Variants in OTULIN observed in about 807,000 individuals in gnomAD.
The protein encoded by OTULIN is ubiquitin thioesterase otulin.
OTULIN carries 15 observed loss-of-function variants against 39.6 expected under a neutral mutation model. The observed-to-expected ratio is 0.38, with a 90% confidence interval of 0.25 to 0.58. The LOEUF is 0.58. Among genes scored for constraint, OTULIN ranks in the 20% least tolerant of loss-of-function variants. The pLI, the probability that OTULIN is intolerant of heterozygous loss-of-function variation, is 0.66. For synonymous variants in OTULIN, 156 were observed against 170.3 expected (o/e 0.92, Z 0.65); for missense variants, 319 against 445.9 (o/e 0.72, Z 2.56).
At chr5:14,677,751 A>G (rs905727038) in intron 2 of OTULIN, among the ~76,000 whole-genome samples, 1 of 152,214 alleles carries the variant, frequency 6.6e-6, no homozygotes, top group Non-Finnish European at 1.5e-5. Context: ...ATTATCGACC[A>G]CTTTTAGGTT....
intron 1 of OTULIN, 109 bp from the exon 2 acceptor site, chr5:14,673,532 GA>G: frequency 1.4e-6 from 1 of 729,852 alleles, no homozygotes; most frequent in South Asian, 2.8e-5. Context: ...CATGTAAAGT[GA>G]AAAAAGTTAA....
At chr5:14,673,825 T>C in intron 2 of OTULIN, 107 bp downstream of exon 2, 1 of 884,412 alleles carries the variant, frequency 1.1e-6, no homozygotes, top group Non-Finnish European at 1.7e-6. Context: ...TATTCTTATG[T>C]ATATGGTCTT....
Position 14,694,526 on chromosome 5 carries a change from T to C in OTULIN, c.*1478T>C, listed in dbSNP as rs532177867. On this transcript the variant is annotated 3_prime_UTR_variant, in exon 7 of 7. Transcript: ENST00000284274. ...AATCCTTATTTGGTCCAATTTAATA[T>C]AGTTTAGAAGCTATTTTTTTTGAGG... The C allele has an allele frequency of 6.6e-6, 1 of 152,216 alleles. No homozygotes were observed. Among genetic ancestry groups the C allele is most frequent in the Non-Finnish European group, 1.5e-5 (1 of 68,048 alleles). 9.4% of individuals were successfully genotyped at this position (152,216 alleles called of 1,614,324 possible).
intron 4 of OTULIN, among the ~76,000 whole-genome samples, chr5:14,687,258 T>C (rs534867386): frequency 1.3e-5 from 2 of 152,296 alleles, no homozygotes; most frequent in South Asian, 2.1e-4. Context: ...CTGGCCGTGG[T>C]TGGAGTCCTG....
chr5:14,681,145 G>GC (rs1319214111), intron 3 of OTULIN, among the ~76,000 whole-genome samples: 1 of 151,794 alleles, frequency 6.6e-6, no homozygotes, highest in Non-Finnish European at 1.5e-5. Flanking sequence ...AAGCACCCCC[G>GC]CCCCCCTTTG....
chr5:14,673,344 T>C (rs141002287), intron 1 of OTULIN, among the ~76,000 whole-genome samples: 3 of 152,342 alleles, frequency 2.0e-5, no homozygotes, highest in Non-Finnish European at 2.9e-5. Flanking sequence ...TGTCTAGATA[T>C]ATAGTTGAGG....
At chr5:14,704,295 A>G (rs989971546), downstream of OTULIN, among the ~76,000 whole-genome samples, 3 of 127,910 alleles carry the variant, frequency 2.3e-5, no homozygotes, top group East Asian at 4.8e-4. Flanking sequence ...GCGCCACTGC[A>G]CTCCAGCCTG....
In OTULIN at chr5:14,698,412, G is replaced by C. The variant is rs541210917; in HGVS notation, c.*5364G>C. The C allele has an allele frequency of 6.6e-6, 1 of 152,332 alleles. No individual in the cohort carries two copies. The highest frequency in any genetic ancestry group is 1.5e-5 in the Non-Finnish European group (1 of 68,040). 9.4% of individuals were successfully genotyped at this position (152,332 alleles called of 1,614,324 possible). A position where few individuals can be genotyped will look rare whatever the true frequency, so the allele number is the denominator to read the frequency against. ...GAGGCTCTGTGCAGTTTGGGGCCTT[G>C]GTTCCCACCTGCAGATGCGGTCAGT... On this transcript the variant is annotated 3_prime_UTR_variant, in exon 7 of 7. Coordinates refer to ENST00000284274, the MANE Select transcript of OTULIN (RefSeq NM_138348.6).
chr5:14,712,247 G>A, the OTULIN span, among the ~76,000 whole-genome samples: 2 of 152,220 alleles, frequency 1.3e-5, no homozygotes, highest in Admixed American at 1.3e-4. Flanking sequence ...TGAGTGGCCT[G>A]GCCGTCACTC....
the OTULIN span, among the ~76,000 whole-genome samples, chr5:14,714,523 G>A: frequency 1.3e-5 from 2 of 152,300 alleles, no homozygotes; most frequent in African/African-American, 2.4e-5. Flanking sequence ...TCATTCCTGG[G>A]ATAAAAATTC....
downstream of OTULIN, among the ~76,000 whole-genome samples, chr5:14,699,957 T>G (rs1736764737): frequency 6.6e-6 from 1 of 152,234 alleles, no homozygotes; most frequent in South Asian, 2.1e-4. Flanking sequence ...AGTGGTGCCA[T>G]TGATGTACAG....
the OTULIN span, chr5:14,710,471 G>A: frequency 6.5e-6 from 1 of 153,468 alleles, no homozygotes; most frequent in South Asian, 2.1e-4. Context: ...AGCTTGCTCA[G>A]ATCTAGGAGA....
Position 14,693,209 on chromosome 5 carries a change from T to C in OTULIN, c.*161T>C. 1.6e-6 allele frequency: 1 copy of C among 607,014 alleles called. No individual in the cohort carries two copies. Among genetic ancestry groups the C allele is most frequent in the Non-Finnish European group, 2.8e-6 (1 of 354,492 alleles). The allele number at this position is 607,014 out of a possible 1,614,324, so 37.6% of individuals were successfully genotyped here. On this transcript the variant is annotated 3_prime_UTR_variant, in exon 7 of 7. Transcript: ENST00000284274. ...GGATGTCCTGAAGACTAGCTTTTGA[T>C]AAGAGAAATTAACCAAGTCTTTCCC... is the stretch of plus-strand genomic sequence containing the variant.
intron 1 of OTULIN, among the ~76,000 whole-genome samples, chr5:14,667,092 G>A (rs1735868670): frequency 6.6e-6 from 1 of 152,212 alleles, no homozygotes; most frequent in Non-Finnish European, 1.5e-5. Flanking sequence ...ACACTTAGAA[G>A]TGTGAACACT....
Position 14,696,966 on chromosome 5 carries a change from G to A in OTULIN, c.*3918G>A, listed in dbSNP as rs1386020726. On this transcript the variant is annotated 3_prime_UTR_variant, in exon 7 of 7. Transcript: ENST00000284274. ...AATGAAAAGCAACAAAACTAAACTG[G>A]TTTGACAGCCTGCCACTTCTGGCAT... 6.6e-6 allele frequency: 1 copy of A among 152,204 alleles called. No individual in the cohort carries two copies. The highest frequency in any genetic ancestry group is 1.5e-5 in the Non-Finnish European group (1 of 68,044). 9.4% of individuals were successfully genotyped at this position (152,204 alleles called of 1,614,324 possible). A position where few individuals can be genotyped will look rare whatever the true frequency, so the allele number is the denominator to read the frequency against.
chr5:14,678,795 A>C lies in OTULIN; in HGVS notation c.324+20A>C, dbSNP rs200078279. ...AAAATGGTATGACACAGAGGTGCAC[A>C]TATTTCAGGTCTTTCAAATAGTCTA... On this transcript the variant is annotated intron_variant, in intron 3 of 6. Transcript: ENST00000284274. 2.7e-6 allele frequency: 4 copies of C among 1,501,208 alleles called. No homozygotes were observed. The highest frequency in any genetic ancestry group is 3.6e-6 in the Non-Finnish European group (4 of 1,103,008). 93.0% of individuals were successfully genotyped at this position (1,501,208 alleles called of 1,614,324 possible).
the OTULIN span, among the ~76,000 whole-genome samples, chr5:14,714,799 A>G: frequency 2.0e-5 from 3 of 152,196 alleles, no homozygotes; most frequent in Non-Finnish European, 4.4e-5. Context: ...CATCTTACAG[A>G]CAAGGAAGTG....
chr5:14,665,366 C>A (rs1735808534), intron 1 of OTULIN, among the ~76,000 whole-genome samples: 1 of 152,118 alleles, frequency 6.6e-6, no homozygotes, highest in African/African-American at 2.4e-5. Context: ...CGCCGGAGAA[C>A]GGCGCTGCGC....
the OTULIN span, chr5:14,711,134 A>C: frequency 2.4e-5 from 31 of 1,309,870 alleles, no homozygotes; most frequent in Non-Finnish European, 3.1e-5. Context: ...GGGAGAGGGA[A>C]GAGATGATGC....
Sources: allele counts gnomAD v4.1 joint callset (sites outside exome capture counted in the v4.1 genomes callset), GRCh38; gene constraint gnomAD v4.1.1; transcripts MANE v1.5; gene names NCBI Gene and HGNC (gene_info 2026-07-23, HGNC 2026-07-21).